The following RMND5A variants were observed in gnomAD, a reference collection of about 807,000 sequenced individuals.
RMND5A encodes the protein required for meiotic nuclear division 5 homolog A, also known as E3 ubiquitin-protein transferase RMND5A.
In RMND5A, 17 loss-of-function variants were observed where a neutral mutation model predicts 49.7. The ratio of observed to expected loss-of-function variants is 0.34; its 90% CI spans 0.23 to 0.51. The LOEUF is 0.51. Among genes scored for constraint, RMND5A ranks in the 20% least tolerant of loss-of-function variants. The pLI is 0.96. For missense variants in RMND5A, 255 were observed against 471.3 expected (o/e 0.54, Z 4.25); for synonymous variants, 156 against 167.7 (o/e 0.93, Z 0.54).
chr2:86,773,272 C>A, intron 8 of RMND5A, 76 bp from the exon 9 acceptor site: 1 of 768,686 alleles, frequency 1.3e-6, no homozygotes, highest in Non-Finnish European at 2.2e-6. Context: ...GTTAAAGATA[C>A]TCTATAACTA....
chr2:86,770,551 A>G (rs1672670639), intron 7 of RMND5A, among the ~76,000 whole-genome samples: 1 of 152,204 alleles, frequency 6.6e-6, no homozygotes, highest in African/African-American at 2.4e-5. Flanking sequence ...ATAAGTATAG[A>G]GCTCTTAAAG....
At chr2:86,725,450 C>T (rs1333097423) in intron 1 of RMND5A, among the ~76,000 whole-genome samples, 2 of 86,454 alleles carry the variant, frequency 2.3e-5, no homozygotes, top group Non-Finnish European at 4.7e-5. Flanking sequence ...TGCAGTGGTG[C>T]GATCTTAGCT....
At chr2:86,766,661 C>CAAAAAAAAAA (rs59511898) in intron 6 of RMND5A, among the ~76,000 whole-genome samples, 4 of 77,012 alleles carry the variant, frequency 5.2e-5, no homozygotes, top group African/African-American at 2.1e-4. Flanking sequence ...GAGACTGTCT[C>CAAAAAAAAAA]AAAAAAAAAA....
chr2:86,743,310 C>T (rs1167897282), intron 2 of RMND5A, among the ~76,000 whole-genome samples: 3 of 151,092 alleles, frequency 2.0e-5, no homozygotes, highest in Admixed American at 6.6e-5. Context: ...GGGATGTGTT[C>T]ATGGTAAAGA....
At chr2:86,753,710 T>C in intron 4 of RMND5A, 152 bp downstream of exon 4, 2 of 489,108 alleles carry the variant, frequency 4.1e-6, no homozygotes, top group Non-Finnish European at 3.6e-6. Context: ...TTATTTTGGC[T>C]AAGTGAAATA....
At chr2:86,741,777 A>C (rs2104389633) in intron 2 of RMND5A, among the ~76,000 whole-genome samples, 1 of 151,478 alleles carries the variant, frequency 6.6e-6, no homozygotes, top group Admixed American at 6.6e-5. Flanking sequence ...TACTTCAGAC[A>C]TTGGGGAGAT....
chr2:86,775,471 A>G lies in RMND5A; in HGVS notation c.*2060A>G, dbSNP rs867496251. 1.3e-5 allele frequency: 2 copies of G among 151,918 alleles called. No homozygotes were observed. The highest frequency in any genetic ancestry group is 3.9e-4 in the East Asian group (2 of 5,142). The allele number at this position is 151,918 out of a possible 1,614,324, so 9.4% of individuals were successfully genotyped here. The stretch of plus-strand genomic sequence containing the variant: ...GATGTACTCTGAAGGCTGGTGGTAA[A>G]TGTGTTTGATGACCAGACTCTTCAT... On this transcript the variant is annotated 3_prime_UTR_variant, in exon 9 of 9. Coordinates refer to ENST00000283632, the MANE Select transcript of RMND5A (RefSeq NM_022780.4).
intron 4 of RMND5A, among the ~76,000 whole-genome samples, chr2:86,755,641 C>T (rs1681721017): frequency 6.6e-6 from 1 of 152,180 alleles, no homozygotes; most frequent in Non-Finnish European, 1.5e-5. Context: ...TCAGAGTACT[C>T]CAGACTTTTC....
intron 4 of RMND5A, among the ~76,000 whole-genome samples, chr2:86,757,207 A>T (rs989970347): frequency 1.4e-5 from 2 of 144,644 alleles, no homozygotes; most frequent in Non-Finnish European, 1.5e-5. Context: ...AAAAAAAAAA[A>T]GTGGAGGTGG....
chr2:86,763,663 C>G (rs999213634), intron 4 of RMND5A, among the ~76,000 whole-genome samples: 2 of 152,044 alleles, frequency 1.3e-5, no homozygotes, highest in Admixed American at 1.3e-4. Flanking sequence ...GTGGTCCTAG[C>G]TACTTCAGAG....
Position 86,757,524 on chromosome 2 carries a change from TAGAA to T in RMND5A, c.521+3969_521+3972del, listed in dbSNP as rs1681765191. Among the ~76,000 whole-genome samples the T allele has an allele frequency of 2.6e-5, 4 of 152,180 alleles. No individual in the cohort carries two copies. The South Asian group carries it at 6.2e-4, about 24-fold the overall frequency. On this transcript the variant is annotated intron_variant, in intron 4 of 8. Coordinates refer to ENST00000283632, the MANE Select transcript of RMND5A (RefSeq NM_022780.4). Reference sequence around the variant, plus strand: ...TGTCATCCTCTTCCATGGTGGCAGATAGAAAGCCAAAAATAGTGTTAACGAGAGA... The same window carrying T: ...TGTCATCCTCTTCCATGGTGGCAGATAGCCAAAAATAGTGTTAACGAGAGA...
In RMND5A at chr2:86,753,433, G is replaced by T. The variant is rs1340435717; in HGVS notation, c.421-25G>T. 3 of 1,421,656 alleles carry T rather than the reference G, an allele frequency of 2.1e-6. No homozygotes were observed. The East Asian group carries it at 6.8e-5, about 32-fold the overall frequency. The allele number at this position is 1,421,656 out of a possible 1,614,324, so 88.1% of individuals were successfully genotyped here. A position where few individuals can be genotyped will look rare whatever the true frequency, so the allele number is the denominator to read the frequency against. ...CTTACCCTGATTACTGCTAACAAAA[G>T]TTCTTTCTTTCTTTCTTTTTCCAGG... On this transcript the variant is annotated intron_variant, in intron 3 of 8. Transcript: ENST00000283632.
intron 2 of RMND5A, among the ~76,000 whole-genome samples, chr2:86,750,246 G>A (rs1681610294): frequency 6.6e-6 from 1 of 152,164 alleles, no homozygotes. Context: ...GTTCCTTCTG[G>A]TGTCATTTTC....
intron 1 of RMND5A, among the ~76,000 whole-genome samples, chr2:86,732,444 T>C (rs1447785062): frequency 6.8e-6 from 1 of 146,728 alleles, no homozygotes; most frequent in South Asian, 2.1e-4. Flanking sequence ...GCCAAAATAG[T>C]GGGTAAATCT....
intron 6 of RMND5A, among the ~76,000 whole-genome samples, chr2:86,767,591 G>C (rs1672623162): frequency 6.6e-6 from 1 of 152,094 alleles, no homozygotes; most frequent in Non-Finnish European, 1.5e-5. Flanking sequence ...ATTTTTTTAA[G>C]TGAACGAAGC....
Position 86,778,008 on chromosome 2 carries a change from T to A in RMND5A, c.*4597T>A, listed in dbSNP as rs1198495866. On this transcript the variant is annotated 3_prime_UTR_variant, in exon 9 of 9. Transcript: ENST00000283632. ...ACACATGGCTTTTCCTGTGTATATT[T>A]TTAAAAATTAAAGAAATGCACATTT... The A allele has an allele frequency of 1.3e-5, 2 of 152,214 alleles. No individual in the cohort carries two copies. The highest frequency in any genetic ancestry group is 2.9e-5 in the Non-Finnish European group (2 of 68,036). 9.4% of individuals were successfully genotyped at this position (152,214 alleles called of 1,614,324 possible).
At chr2:86,757,137 G>A (rs1681754768) in intron 4 of RMND5A, among the ~76,000 whole-genome samples, 1 of 137,054 alleles carries the variant, frequency 7.3e-6, no homozygotes, top group African/African-American at 2.8e-5. Context: ...TCGCGCCACT[G>A]CACTCCAGCC....
Position 86,765,044 on chromosome 2 carries a change from G to A in RMND5A, c.539G>A (p.Arg180Gln), listed in dbSNP as rs1672567611. 1.2e-6 allele frequency: 2 copies of A among 1,604,996 alleles called. No homozygotes were observed. Among genetic ancestry groups the A allele is most frequent in the Non-Finnish European group, 8.5e-7 (1 of 1,176,704 alleles). The change falls in exon 5 of 9, where the codon CGG becomes CAG. Residue 180 changes from arginine to glutamine, a missense_variant. By Grantham distance (43) the Arg-to-Gln change is conservative (BLOSUM62 1). Transcript: ENST00000283632. ...TTCTTTAGGTGGGCAGTGTCAAACC[G>A]GGAAATGCTTATAGCTCAAAACAGC... is the stretch of plus-strand genomic sequence containing the variant. ...RPALEWAVSN[R>Q]EMLIAQNSSL...
chr2:86,748,468 G>A (rs938026656), intron 2 of RMND5A: 11 of 152,302 alleles, frequency 7.2e-5, no homozygotes, highest in African/African-American at 2.6e-4. Flanking sequence ...TAAGTTACGA[G>A]CTTGAATGTA....
Sources: allele counts gnomAD v4.1 joint callset (sites outside exome capture counted in the v4.1 genomes callset), GRCh38; gene constraint gnomAD v4.1.1; transcripts MANE v1.5; gene names NCBI Gene and HGNC (gene_info 2026-07-23, HGNC 2026-07-21).